The following MAPK14 variants were observed in gnomAD, a reference collection of about 807,000 sequenced individuals.
MAPK14 encodes CSAID-binding protein.
In MAPK14, 16 loss-of-function variants were observed where a neutral mutation model predicts 49.6. That is an observed-to-expected ratio of 0.32 (90% CI 0.22 to 0.49). MAPK14 has a LOEUF of 0.49. MAPK14 is among the 20% of genes least tolerant of loss of function. The pLI is 0.99. For missense variants in MAPK14, 200 were observed against 441.2 expected (o/e 0.45, Z 4.90); for synonymous variants, 142 against 158.0 (o/e 0.90, Z 0.76).
At chr6:36,058,030 G>A (rs1763653940) in intron 2 of MAPK14, among the ~76,000 whole-genome samples, 1 of 152,194 alleles carries the variant, frequency 6.6e-6, no homozygotes, top group African/African-American at 2.4e-5. Context: ...GGTGCTGTAT[G>A]TGGATAAATC....
rs368187213 is a variant in MAPK14 at position 36,051,656 on chromosome 6, A to G, written c.117-1043A>G. 4.6e-5 allele frequency among the ~76,000 whole-genome samples: 7 copies of G among 152,326 alleles called. No homozygotes were observed. The South Asian group carries it at 1.0e-3, about 23-fold the overall frequency. ...ATAGCAGAGTCAAGTGGTCAGTAGC[A>G]TAAGCTCTGGATCCAGACTCCCTGC... is the stretch of plus-strand genomic sequence containing the variant. On this transcript the variant is annotated intron_variant, in intron 1 of 11. Transcript: ENST00000229794.
At chr6:36,044,974 A>G (rs1425822651) in intron 1 of MAPK14, among the ~76,000 whole-genome samples, 1 of 152,076 alleles carries the variant, frequency 6.6e-6, no homozygotes, top group African/African-American at 2.4e-5. Flanking sequence ...GTCTACAAAA[A>G]TCAAAATAAT....
intron 1 of MAPK14, among the ~76,000 whole-genome samples, chr6:36,040,069 T>A (rs901903190): frequency 6.6e-6 from 1 of 151,994 alleles, no homozygotes; most frequent in Non-Finnish European, 1.5e-5. Flanking sequence ...GCTTTGGAAG[T>A]CCTCTGTAGT....
In MAPK14 at chr6:36,108,738, A is replaced by G. The variant is rs200804265; in HGVS notation, c.*291A>G. ...TTTCTGAGAGTTGGCTCAGGCAGAC[A>G]AGAGCTGCTGTCCTTTTAGGAATAT... On this transcript the variant is annotated 3_prime_UTR_variant, in exon 12 of 12. Transcript: ENST00000229794. 5 of 423,104 alleles carry G rather than the reference A, an allele frequency of 1.2e-5. No individual in the cohort carries two copies. The highest frequency in any genetic ancestry group is 1.0e-4 in the African/African-American group (5 of 49,490). 26.2% of individuals were successfully genotyped at this position (423,104 alleles called of 1,614,324 possible).
chr6:36,072,626 ATGG>A (rs1301494612), intron 3 of MAPK14, among the ~76,000 whole-genome samples: 1 of 151,646 alleles, frequency 6.6e-6, no homozygotes, highest in Non-Finnish European at 1.5e-5. Context: ...TTAGCCGGGC[ATGG>A]TGGTGGGCAC....
At chr6:36,092,277 A>G (rs2127463582) in intron 8 of MAPK14, 1 of 582,808 alleles carries the variant, frequency 1.7e-6, no homozygotes. Context: ...GAGAACATTC[A>G]GCAGCGTCCC....
intron 9 of MAPK14, among the ~76,000 whole-genome samples, chr6:36,098,254 C>T (rs939387128): frequency 2.6e-5 from 4 of 152,112 alleles, no homozygotes; most frequent in African/African-American, 9.7e-5. Context: ...GATTTAGAAC[C>T]TATTAGAATG....
chr6:36,090,407 T>G (rs1765173615), intron 8 of MAPK14, among the ~76,000 whole-genome samples: 1 of 151,916 alleles, frequency 6.6e-6, no homozygotes, highest in Admixed American at 6.6e-5. Flanking sequence ...CACTGCAACC[T>G]CCACCTCCTG....
the MAPK14 span, among the ~76,000 whole-genome samples, chr6:36,122,641 G>A: frequency 6.6e-6 from 1 of 152,200 alleles, no homozygotes; most frequent in Non-Finnish European, 1.5e-5. Flanking sequence ...CACGAGGCCA[G>A]GTAAGGCAGG....
chr6:36,091,248 G>GT (rs397771773), intron 8 of MAPK14, among the ~76,000 whole-genome samples: 4,207 of 144,062 alleles, frequency 0.029, 144 homozygotes, highest in African/African-American at 0.09. Flanking sequence ...TAGTTTTTTT[G>GT]TTTTTTTTTT....
chr6:36,038,221 A>T (rs1762826049), intron 1 of MAPK14, among the ~76,000 whole-genome samples: 1 of 152,178 alleles, frequency 6.6e-6, no homozygotes, highest in African/African-American at 2.4e-5. Flanking sequence ...GAAGAAGGTG[A>T]TATAGGACAC....
chr6:36,052,971 G>T, intron 2 of MAPK14, 143 bp downstream of exon 2: 1 of 489,518 alleles, frequency 2.0e-6, no homozygotes, highest in South Asian at 4.0e-5. Context: ...TGGCCACTTG[G>T]TTATGTCAGG....
intron 1 of MAPK14, among the ~76,000 whole-genome samples, chr6:36,033,411 A>C (rs1194783498): frequency 2.6e-5 from 4 of 151,270 alleles, no homozygotes; most frequent in Admixed American, 6.6e-5. Flanking sequence ...CTGCCTCCCG[A>C]GTTCAAGCAA....
At chr6:36,053,094 A>C (rs1385881547) in intron 2 of MAPK14, among the ~76,000 whole-genome samples, 1 of 151,794 alleles carries the variant, frequency 6.6e-6, no homozygotes, top group Non-Finnish European at 1.5e-5. Flanking sequence ...ATGTTATGAA[A>C]TACAACACAA....
chr6:36,040,120 A>C (rs886435532), intron 1 of MAPK14, among the ~76,000 whole-genome samples: 1 of 152,128 alleles, frequency 6.6e-6, no homozygotes, highest in African/African-American at 2.4e-5. Flanking sequence ...TTTTCAGATT[A>C]GGGATACTCA....
chr6:36,121,158 G>A, the MAPK14 span, among the ~76,000 whole-genome samples: 8 of 152,056 alleles, frequency 5.3e-5, no homozygotes, highest in African/African-American at 1.4e-4. Context: ...GCACGCTTGC[G>A]GATCGCTAGA....
At chr6:36,096,275 A>G in intron 9 of MAPK14, 1 of 485,130 alleles carries the variant, frequency 2.1e-6, no homozygotes, top group South Asian at 3.5e-5. Context: ...TTTATTCTCT[A>G]TCTGGGTACA....
intron 8 of MAPK14, among the ~76,000 whole-genome samples, chr6:36,093,258 A>G (rs549397546): frequency 2.6e-5 from 4 of 152,198 alleles, no homozygotes; most frequent in Admixed American, 1.3e-4. Flanking sequence ...CAGGCCTGAT[A>G]TTGTTTCATG....
chr6:36,119,836 C>G, the MAPK14 span, among the ~76,000 whole-genome samples: 1 of 152,150 alleles, frequency 6.6e-6, no homozygotes, highest in East Asian at 1.9e-4. Context: ...AGAGACGACT[C>G]AACATCTTGG....
Sources: allele counts gnomAD v4.1 joint callset (sites outside exome capture counted in the v4.1 genomes callset), GRCh38; gene constraint gnomAD v4.1.1; transcripts MANE v1.5; gene names NCBI Gene and HGNC (gene_info 2026-07-23, HGNC 2026-07-21).